The following GMCL1 variants were observed in gnomAD, a reference collection of about 807,000 sequenced individuals.
GMCL1 encodes germ cell-less 1, spermatogenesis associated.
Under a neutral mutation model 75.5 loss-of-function variants are expected in GMCL1, and 54 were observed. The ratio of observed to expected loss-of-function variants is 0.71; its 90% confidence interval spans 0.57 to 0.90. The LOEUF (loss-of-function observed/expected upper bound fraction) is 0.90. GMCL1 is among the 40% of genes least tolerant of loss of function. The pLI, the probability that GMCL1 is intolerant of heterozygous loss-of-function variation, is 0.00. For synonymous variants in GMCL1, 210 were observed against 209.6 expected, an observed-to-expected ratio of 1.00 and a Z score of -0.02; for missense variants, 537 against 622.7, an observed-to-expected ratio of 0.86 and a Z score of 1.47.
Position 69,850,853 on chromosome 2 carries a change from G to C in GMCL1, c.934+1111G>C, listed in dbSNP as rs139737280. ...AGCTCCTATGAGCTAGCAGCAACAC[G>C]CCACTGTATAATATATCATTTTGTT... is the stretch of plus-strand genomic sequence containing the variant. On this transcript the variant is annotated intron_variant, in intron 8 of 13. Coordinates refer to ENST00000282570, the MANE Select transcript of GMCL1 (RefSeq NM_178439.5). 2.0e-5 allele frequency among the ~76,000 whole-genome samples: 3 copies of C among 152,214 alleles called. No homozygotes were observed. The East Asian group carries it at 5.8e-4, about 29-fold the overall frequency.
rs1676242722 is a variant in GMCL1 at position 69,880,234 on chromosome 2, A to G, written c.*1230A>G. On this transcript the variant is annotated 3_prime_UTR_variant, in exon 14 of 14. Transcript: ENST00000282570. ...GAATCATTTTTATGTATCTGTGCAA[A>G]TAATAAATGCCCATTTGGAAAAAGA... 6.6e-6 allele frequency: 1 copy of G among 152,114 alleles called. No individual in the cohort carries two copies. Among genetic ancestry groups the G allele is most frequent in the South Asian group, 2.1e-4 (1 of 4,830 alleles). The allele number at this position is 152,114 out of a possible 1,614,324, so 9.4% of individuals were successfully genotyped here.
chr2:69,852,994 C>T (rs75986540), intron 8 of GMCL1, among the ~76,000 whole-genome samples: 3,636 of 152,234 alleles, frequency 0.024, 63 homozygotes, highest in East Asian at 0.08. Context: ...TAAGTATGGC[C>T]ACATGTTGTC....
intron 9 of GMCL1, among the ~76,000 whole-genome samples, chr2:69,859,359 GTGTA>G (rs978724624): frequency 5.1e-4 from 77 of 151,510 alleles, no homozygotes; most frequent in Non-Finnish European, 1.3e-4. Context: ...AAATATATGT[GTGTA>G]TGTGTGCTGA....
chr2:69,831,411 T>A (rs375135928), intron 1 of GMCL1, among the ~76,000 whole-genome samples: 5 of 152,202 alleles, frequency 3.3e-5, no homozygotes, highest in East Asian at 3.8e-4. Flanking sequence ...GTAACTTTTT[T>A]AATTGTTTGT....
chr2:69,832,679 TCTTG>T (rs1674709403), intron 1 of GMCL1, among the ~76,000 whole-genome samples: 1 of 152,216 alleles, frequency 6.6e-6, no homozygotes, highest in Non-Finnish European at 1.5e-5. Context: ...TATAGTTGAG[TCTTG>T]CTTCTTTTGT....
intron 12 of GMCL1, among the ~76,000 whole-genome samples, chr2:69,870,169 G>A (rs1675946106): frequency 6.6e-6 from 1 of 150,666 alleles, no homozygotes; most frequent in South Asian, 2.1e-4. Context: ...TATGTAGCAA[G>A]GTATGTTTCC....
At chr2:69,835,379 T>C (rs965588623) in intron 1 of GMCL1, among the ~76,000 whole-genome samples, 45 of 152,084 alleles carry the variant, frequency 3.0e-4, no homozygotes, top group Non-Finnish European at 6.5e-4. Context: ...AGAGGGTGTT[T>C]TTTTCCTCTC....
chr2:69,856,633 T>C (rs964285167), intron 9 of GMCL1, among the ~76,000 whole-genome samples: 1 of 142,546 alleles, frequency 7.0e-6, no homozygotes, highest in African/African-American at 2.6e-5. Context: ...CTTCCATCTC[T>C]TCCCTCCTTT....
At chr2:69,847,080 C>T (rs1161311329) in intron 6 of GMCL1, among the ~76,000 whole-genome samples, 2 of 149,006 alleles carry the variant, frequency 1.3e-5, no homozygotes, top group African/African-American at 2.5e-5. Flanking sequence ...TCAAATGATT[C>T]TCCTGCCTCC....
intron 11 of GMCL1, among the ~76,000 whole-genome samples, chr2:69,866,991 C>A (rs537155425): frequency 2.4e-4 from 36 of 151,894 alleles, no homozygotes; most frequent in African/African-American, 8.0e-4. Flanking sequence ...GTTGCCCAGG[C>A]TGGAGTGTAG....
intron 7 of GMCL1, among the ~76,000 whole-genome samples, chr2:69,849,316 C>T (rs1675243407): frequency 6.6e-6 from 1 of 152,112 alleles, no homozygotes; most frequent in African/African-American, 2.4e-5. Context: ...ACTCCAGATG[C>T]ATACCACTAT....
In GMCL1 at chr2:69,830,243, G is replaced by C; in HGVS notation, c.260+91G>C. ...GCCTCGTGCGCTTGCGGGGTGCAGC[G>C]CTCCCCAGCCTATGGAGAGGGGACG... On this transcript the variant is annotated intron_variant, in intron 1 of 13. Transcript: ENST00000282570. The C allele has an allele frequency of 3.5e-6, 5 of 1,448,882 alleles. No individual in the cohort carries two copies. In the Admixed American group the frequency reaches 1.1e-4, roughly 33 times the overall value. The allele number at this position is 1,448,882 out of a possible 1,614,324, so 89.8% of individuals were successfully genotyped here.
chr2:69,868,425 GT>G (rs1675881669), intron 11 of GMCL1, among the ~76,000 whole-genome samples: 1 of 152,076 alleles, frequency 6.6e-6, no homozygotes, highest in Non-Finnish European at 1.5e-5. Context: ...CTACTTCTCT[GT>G]ATCACACTAC....
chr2:69,839,439 C>CTTTTTTTTTTTTTTTT lies in GMCL1; in HGVS notation c.385-8_385-7insTTTTTTTTTTTTTTTT. ...ACAGAAAGTACTTGATAATCGTTGA[C>CTTTTTTTTTTTTTTTT]TTTTTTTTTTGTTTAAGTCTGGCTA... is the stretch of plus-strand genomic sequence containing the variant. On this transcript the variant is annotated splice_polypyrimidine_tract_variant and intron_variant, in intron 2 of 13. Coordinates refer to ENST00000282570, the MANE Select transcript of GMCL1 (RefSeq NM_178439.5). 7.5e-7 allele frequency: 1 copy of CTTTTTTTTTTTTTTTT among 1,330,832 alleles called. No individual in the cohort carries two copies. Among genetic ancestry groups the CTTTTTTTTTTTTTTTT allele is most frequent in the Non-Finnish European group, 1.0e-6 (1 of 964,410 alleles). The allele number at this position is 1,330,832 out of a possible 1,614,324, so 82.4% of individuals were successfully genotyped here. A position where few individuals can be genotyped will look rare whatever the true frequency, so the allele number is the denominator to read the frequency against.
At chr2:69,841,106 A>G (rs1165343855) in intron 4 of GMCL1, 67 bp downstream of exon 4, 4 of 1,066,758 alleles carry the variant, frequency 3.7e-6, no homozygotes, top group Non-Finnish European at 5.5e-6. Flanking sequence ...GTGTACTCCA[A>G]AAACAAAAAT....
intron 9 of GMCL1, among the ~76,000 whole-genome samples, chr2:69,860,273 T>C (rs1445098765): frequency 6.6e-6 from 1 of 152,160 alleles, no homozygotes; most frequent in African/African-American, 2.4e-5. Context: ...ATTACAAGCA[T>C]GAGCCATCTC....
intron 13 of GMCL1, among the ~76,000 whole-genome samples, chr2:69,873,102 T>A: frequency 6.6e-6 from 1 of 151,200 alleles, no homozygotes; most frequent in East Asian, 1.9e-4. Flanking sequence ...TGGTTGGGGG[T>A]GGTTATTGGA....
intron 7 of GMCL1, among the ~76,000 whole-genome samples, chr2:69,848,249 A>T (rs2103979249): frequency 6.6e-6 from 1 of 152,288 alleles, no homozygotes; most frequent in East Asian, 1.9e-4. Flanking sequence ...TGTCCGCAAA[A>T]CAGTGTTGTG....
At position 69,880,243 on chromosome 2, in the gene GMCL1, G is replaced by T. The variant is rs1676242963; in HGVS notation, c.*1239G>T. On this transcript the variant is annotated 3_prime_UTR_variant, in exon 14 of 14. Transcript: ENST00000282570. ...TTATGTATCTGTGCAAATAATAAATGCCCATTTGGAAAAAGAGTAAGCTCT... is the reference window on the plus strand; with the variant it reads ...TTATGTATCTGTGCAAATAATAAATTCCCATTTGGAAAAAGAGTAAGCTCT... 6.6e-6 allele frequency: 1 copy of T among 151,970 alleles called. No homozygotes were observed. The highest frequency in any genetic ancestry group is 1.5e-5 in the Non-Finnish European group (1 of 67,994). The allele number at this position is 151,970 out of a possible 1,614,324, so 9.4% of individuals were successfully genotyped here.
Sources: allele counts gnomAD v4.1 joint callset (sites outside exome capture counted in the v4.1 genomes callset), GRCh38; gene constraint gnomAD v4.1.1; transcripts MANE v1.5; gene names NCBI Gene and HGNC (gene_info 2026-07-23, HGNC 2026-07-21).